Variants in THSD4 observed in about 807,000 individuals in gnomAD.
The protein encoded by THSD4 is thrombospondin type-1 domain-containing protein 4.
THSD4 carries 69 observed loss-of-function variants against 119.0 expected under a neutral mutation model. The ratio of observed to expected loss-of-function variants is 0.58; its 90% CI spans 0.48 to 0.71. The LOEUF (loss-of-function observed/expected upper bound fraction) is 0.71. Among genes scored for constraint, THSD4 ranks in the 30% least tolerant of loss-of-function variants. The pLI is 0.00. For missense variants in THSD4, 1,393 were observed against 1,391.1 expected, an observed-to-expected ratio of 1.00 and a Z score of -0.02; for synonymous variants, 524 against 540.4, an observed-to-expected ratio of 0.97 and a Z score of 0.42.
At chr15:71,383,497 A>T (rs938367452) in intron 6 of THSD4, among the ~76,000 whole-genome samples, 1 of 152,214 alleles carries the variant, frequency 6.6e-6, no homozygotes, top group African/African-American at 2.4e-5. Context: ...ATATATTGCG[A>T]TATAAATTTA....
chr15:71,394,554 A>T (rs2046420349), intron 6 of THSD4, among the ~76,000 whole-genome samples: 1 of 152,204 alleles, frequency 6.6e-6, no homozygotes, highest in Admixed American at 6.5e-5. Flanking sequence ...TACAGGCGTG[A>T]GCCACAGTGC....
At position 71,381,646 on chromosome 15, in the gene THSD4, A is replaced by G. The variant is rs1476425519; in HGVS notation, c.1016-30041A>G. ...GACTGTGGATGACAAAAGACTTAAC[A>G]TGTCCAGTTAAAAATCTAATGAGAA... On this transcript the variant is annotated intron_variant, in intron 6 of 17. Coordinates refer to ENST00000261862, the MANE Select transcript of THSD4 (RefSeq NM_024817.3). 2.0e-5 allele frequency among the ~76,000 whole-genome samples: 3 copies of G among 152,328 alleles called. No individual in the cohort carries two copies. In the East Asian group the frequency reaches 5.8e-4, roughly 29 times the overall value.
intron 6 of THSD4, among the ~76,000 whole-genome samples, chr15:71,276,322 C>T (rs891231400): frequency 6.6e-6 from 1 of 152,230 alleles, no homozygotes; most frequent in Non-Finnish European, 1.5e-5. Context: ...GTTGTCACCC[C>T]GCATCTTCTT....
intron 14 of THSD4, among the ~76,000 whole-genome samples, chr15:71,750,822 C>T (rs1426450495): frequency 2.0e-5 from 3 of 152,178 alleles, no homozygotes; most frequent in East Asian, 1.9e-4. Flanking sequence ...CCTAGTTCTT[C>T]GGTGTATCCC....
At chr15:71,123,581 ATAG>A (rs2040427245) in intron 1 of THSD4, among the ~76,000 whole-genome samples, 1 of 152,046 alleles carries the variant, frequency 6.6e-6, no homozygotes. Context: ...GCGGGGAGTA[ATAG>A]TATACTTACA....
At chr15:71,641,570 G>A (rs1553) in intron 7 of THSD4, among the ~76,000 whole-genome samples, 56,727 of 151,798 alleles carry the variant, frequency 0.37, 11,334 homozygotes, top group East Asian at 0.83. Flanking sequence ...GCTAGTGTAT[G>A]GCCAACAGAA....
chr15:71,556,739 T>C (rs1447293698), intron 7 of THSD4, among the ~76,000 whole-genome samples: 2 of 150,012 alleles, frequency 1.3e-5, no homozygotes, highest in African/African-American at 4.9e-5. Context: ...CACTCCAGCC[T>C]GGGTGGCAGA....
chr15:71,491,628 T>A (rs7164054), intron 7 of THSD4, among the ~76,000 whole-genome samples: 3 of 152,108 alleles, frequency 2.0e-5, no homozygotes, highest in Non-Finnish European at 4.4e-5. Flanking sequence ...TCCCAACACT[T>A]TAGGGGGCCC....
chr15:71,748,373 C>T, intron 13 of THSD4, 48 bp from the exon 14 acceptor site: 1 of 1,606,076 alleles, frequency 6.2e-7, no homozygotes, highest in Non-Finnish European at 8.5e-7. Flanking sequence ...AATTCTCTCC[C>T]AGAGCTGAAG....
chr15:71,405,808 C>T (rs138232169), intron 6 of THSD4, among the ~76,000 whole-genome samples: 1 of 152,162 alleles, frequency 6.6e-6, no homozygotes, highest in East Asian at 1.9e-4. Context: ...TTTAGATCTT[C>T]CTTAATTTAT....
rs151233320 is a variant in THSD4 at position 71,306,760 on chromosome 15, C to G, written c.1015+50045C>G. On this transcript the variant is annotated intron_variant, in intron 6 of 17. Coordinates refer to ENST00000261862, the MANE Select transcript of THSD4 (RefSeq NM_024817.3). Reference sequence around the variant, plus strand: ...TATCATTTTAAAGGTTCTGAGAAGTCCTGCAGTTCAAAACAACCCCAAAAC... The same window carrying G: ...TATCATTTTAAAGGTTCTGAGAAGTGCTGCAGTTCAAAACAACCCCAAAAC... 6.4e-4 allele frequency among the ~76,000 whole-genome samples: 98 copies of G among 152,260 alleles called. 1 individual carries two copies. The highest frequency in any genetic ancestry group is 2.2e-3 in the African/African-American group (92 of 41,540).
intron 1 of THSD4, among the ~76,000 whole-genome samples, chr15:71,127,854 A>G (rs2040468449): frequency 2.0e-5 from 3 of 152,070 alleles, no homozygotes; most frequent in South Asian, 4.1e-4. Context: ...ATTTTCTCCC[A>G]TTCTGTGGGT....
chr15:71,229,354 G>A (rs1179991283), intron 4 of THSD4, among the ~76,000 whole-genome samples: 6 of 152,202 alleles, frequency 3.9e-5, no homozygotes, highest in Non-Finnish European at 8.8e-5. Flanking sequence ...GTCCCTTGGT[G>A]TGCAGTGGGG....
intron 7 of THSD4, among the ~76,000 whole-genome samples, chr15:71,435,474 G>A (rs2047000347): frequency 1.3e-5 from 2 of 152,172 alleles, no homozygotes; most frequent in African/African-American, 4.8e-5. Context: ...TCTCTAAAGA[G>A]TAGTCTTTTA....
intron 6 of THSD4, among the ~76,000 whole-genome samples, chr15:71,284,232 T>C (rs999426377): frequency 2.0e-5 from 3 of 152,166 alleles, no homozygotes; most frequent in Non-Finnish European, 4.4e-5. Context: ...GCTTTTATAT[T>C]CCTTGCTATT....
At chr15:71,237,657 C>G (rs1329633812) in intron 4 of THSD4, among the ~76,000 whole-genome samples, 1 of 152,094 alleles carries the variant, frequency 6.6e-6, no homozygotes, top group South Asian at 2.1e-4. Context: ...TTTTCAGGCT[C>G]TAGTCTGGAG....
chr15:71,768,063 G>A (rs1296560650), intron 16 of THSD4, among the ~76,000 whole-genome samples: 3 of 152,066 alleles, frequency 2.0e-5, no homozygotes, highest in South Asian at 2.1e-4. Context: ...ATGAAAACCC[G>A]TAAATGAAGG....
At chr15:71,631,186 G>A (rs2050621939) in intron 7 of THSD4, among the ~76,000 whole-genome samples, 1 of 152,216 alleles carries the variant, frequency 6.6e-6, no homozygotes, top group South Asian at 2.1e-4. Context: ...CATTCAACAA[G>A]TTGTCATGGC....
In THSD4 at chr15:71,778,052, C is replaced by T. The variant is rs2053944900; in HGVS notation, c.*678C>T. On this transcript the variant is annotated 3_prime_UTR_variant, in exon 18 of 18. Transcript: ENST00000261862. ...TTTTACTGACAGGGAAACTGAGGCTCAACTTAAGTAATTGACCTGCCAGGT... is the reference window on the plus strand; with the variant it reads ...TTTTACTGACAGGGAAACTGAGGCTTAACTTAAGTAATTGACCTGCCAGGT... 6.6e-6 allele frequency: 1 copy of T among 152,448 alleles called. No individual in the cohort carries two copies. Among genetic ancestry groups the T allele is most frequent in the African/African-American group, 2.4e-5 (1 of 41,436 alleles). 9.4% of individuals were successfully genotyped at this position (152,448 alleles called of 1,614,324 possible).
Sources: allele counts gnomAD v4.1 joint callset (sites outside exome capture counted in the v4.1 genomes callset), GRCh38; gene constraint gnomAD v4.1.1; transcripts MANE v1.5; gene names NCBI Gene and HGNC (gene_info 2026-07-23, HGNC 2026-07-21).